Variants in DOCK10 observed in about 807,000 individuals in gnomAD.
The protein encoded by DOCK10 is dedicator of cytokinesis protein 10.
Under a neutral mutation model 280.1 loss-of-function variants are expected in DOCK10, and 145 were observed. The observed-to-expected ratio is 0.52, with a 90% CI of 0.45 to 0.59. The LOEUF (loss-of-function observed/expected upper bound fraction) is 0.59, where lower values mean the gene tolerates loss of function less well. Ranked by LOEUF, DOCK10 falls within the 20% of genes least tolerant of loss-of-function variation. The pLI, the probability that DOCK10 is intolerant of heterozygous loss-of-function variation, is 0.00. For missense variants in DOCK10, 2,368 were observed against 2,651.7 expected, an observed-to-expected ratio of 0.89 and a Z score of 2.35; for synonymous variants, 915 against 942.2, an observed-to-expected ratio of 0.97 and a Z score of 0.53.
chr2:224,814,332 A>G lies in DOCK10; in HGVS notation c.3397T>C (p.Leu1133=). The G allele has an allele frequency of 6.5e-7, 1 of 1,534,070 alleles. No individual in the cohort carries two copies. The highest frequency in any genetic ancestry group is 8.8e-7 in the Non-Finnish European group (1 of 1,139,946). The change falls in exon 31 of 56, where the codon TTA becomes CTA. Residue 1133 remains leucine, a synonymous_variant. Coordinates refer to ENST00000258390, the MANE Select transcript of DOCK10 (RefSeq NM_014689.3). ...TAATATCACTTACCTGATGCATGTA[A>G]CTCTTGAGTCGATTCTGAAGGTGTC... ...PLTPSESTQE[L]HASDMPEYSV...
chr2:224,886,893 C>CCCCT (rs550630549), intron 4 of DOCK10, among the ~76,000 whole-genome samples: 1 of 149,400 alleles, frequency 6.7e-6, no homozygotes, highest in African/African-American at 2.5e-5. Flanking sequence ...CCAACACCCC[C>CCCCT]CCAAGTAGTA....
chr2:224,961,513 C>CCTT (rs1559874498), intron 1 of DOCK10, among the ~76,000 whole-genome samples: 9 of 94,022 alleles, frequency 9.6e-5, no homozygotes, highest in Non-Finnish European at 1.6e-4. Flanking sequence ...CTTCTTTCTT[C>CCTT]ATTTTTTTTT....
At position 224,844,662 on chromosome 2, in the gene DOCK10, GAA is replaced by G. The variant is rs1379775325; in HGVS notation, c.2568+89_2568+90del. 2.6e-4 allele frequency: 216 copies of G among 843,498 alleles called. 3 individuals carry two copies. In the South Asian group the frequency reaches 2.9e-3, roughly 11 times the overall value. 52.3% of individuals were successfully genotyped at this position (843,498 alleles called of 1,614,324 possible). A position where few individuals can be genotyped will look rare whatever the true frequency, so the allele number is the denominator to read the frequency against. ...AACACCTGCCTTTCTGACACTTCATGAAATGATTAGTCTCATCCTGTAAATAG... is the reference window on the plus strand; with the variant it reads ...AACACCTGCCTTTCTGACACTTCATGATGATTAGTCTCATCCTGTAAATAG... On this transcript the variant is annotated intron_variant, in intron 22 of 55. Coordinates refer to ENST00000258390, the MANE Select transcript of DOCK10 (RefSeq NM_014689.3).
intron 31 of DOCK10, among the ~76,000 whole-genome samples, chr2:224,813,819 T>C (rs533665980): frequency 1.3e-5 from 2 of 152,324 alleles, no homozygotes; most frequent in African/African-American, 4.8e-5. Flanking sequence ...CATAGTAATA[T>C]TGAGGATCCA....
intron 27 of DOCK10, among the ~76,000 whole-genome samples, chr2:224,827,493 G>A (rs1457870036): frequency 6.6e-5 from 10 of 152,078 alleles, no homozygotes; most frequent in Non-Finnish European, 1.3e-4. Context: ...TCACAGGTGT[G>A]TTTTGTGACC....
At chr2:224,909,706 T>C (rs548870969) in intron 3 of DOCK10, among the ~76,000 whole-genome samples, 1 of 152,208 alleles carries the variant, frequency 6.6e-6, no homozygotes, top group Non-Finnish European at 1.5e-5. Flanking sequence ...CAAAATGAGG[T>C]AGTAATACCT....
At chr2:224,939,014 G>A (rs746603969) in intron 1 of DOCK10, among the ~76,000 whole-genome samples, 12 of 152,172 alleles carry the variant, frequency 7.9e-5, no homozygotes, top group Non-Finnish European at 1.8e-4. Flanking sequence ...CCAAATCAAA[G>A]TTAACAACTG....
At chr2:224,799,031 T>C (rs1692791876) in intron 41 of DOCK10, among the ~76,000 whole-genome samples, 1 of 152,244 alleles carries the variant, frequency 6.6e-6, no homozygotes, top group Admixed American at 6.5e-5. Flanking sequence ...TGACATACAA[T>C]AAATTGAACT....
rs35401247 is a variant in DOCK10 at position 224,873,594 on chromosome 2, C to CAAAAAAAAAAAAAAAAAAAAAAAAA, written c.1257+377_1257+401dup. The stretch of plus-strand genomic sequence containing the variant: ...CCTGGGCAACAGAGCAAGACCATCT[C>CAAAAAAAAAAAAAAAAAAAAAAAAA]AAAAAAAAAAAAAAAAAAAAAAAAA... On this transcript the variant is annotated intron_variant, in intron 11 of 55. Transcript: ENST00000258390. Among the ~76,000 whole-genome samples, 5 of 33,656 alleles carry CAAAAAAAAAAAAAAAAAAAAAAAAA rather than the reference C, an allele frequency of 1.5e-4. 2 individuals are homozygous for CAAAAAAAAAAAAAAAAAAAAAAAAA. The highest frequency in any genetic ancestry group is 2.2e-4 in the Non-Finnish European group (4 of 17,916). 22.1% of individuals were successfully genotyped at this position (33,656 alleles called of 152,430 possible).
chr2:225,041,585 G>A (rs781007403), intron 1 of DOCK10, among the ~76,000 whole-genome samples: 5 of 152,156 alleles, frequency 3.3e-5, no homozygotes, highest in Admixed American at 1.3e-4. Flanking sequence ...AGAACCCCGC[G>A]AAACATCTTA....
chr2:224,792,268 T>C (rs1692249154), intron 47 of DOCK10, among the ~76,000 whole-genome samples: 2 of 152,108 alleles, frequency 1.3e-5, no homozygotes, highest in Admixed American at 6.5e-5. Context: ...AATATATATA[T>C]GTATATATCT....
At chr2:224,971,198 G>C (rs546369384) in intron 1 of DOCK10, among the ~76,000 whole-genome samples, 1 of 152,222 alleles carries the variant, frequency 6.6e-6, no homozygotes, top group Non-Finnish European at 1.5e-5. Context: ...GCAGAATAAT[G>C]CCACTGTATT....
intron 7 of DOCK10, among the ~76,000 whole-genome samples, chr2:224,884,308 C>A (rs1699149739): frequency 6.6e-6 from 1 of 152,154 alleles, no homozygotes; most frequent in Admixed American, 6.5e-5. Flanking sequence ...ATCCAAGGGC[C>A]TCCAGGAGTG....
chr2:224,815,025 T>C (rs1317558805), intron 30 of DOCK10, among the ~76,000 whole-genome samples: 2 of 152,224 alleles, frequency 1.3e-5, no homozygotes, highest in Non-Finnish European at 2.9e-5. Flanking sequence ...TTTGACTCTG[T>C]GTCCCCACCC....
chr2:224,794,749 A>G, intron 45 of DOCK10, 130 bp downstream of exon 45: 3 of 810,852 alleles, frequency 3.7e-6, no homozygotes, highest in Non-Finnish European at 6.0e-6. Flanking sequence ...TATATGATAT[A>G]TAACTGAGTC....
intron 1 of DOCK10, among the ~76,000 whole-genome samples, chr2:224,977,058 A>G (rs1229794185): frequency 6.6e-6 from 1 of 152,204 alleles, no homozygotes; most frequent in Non-Finnish European, 1.5e-5. Flanking sequence ...ATATAAGTGC[A>G]CACATCCTTG....
At chr2:224,799,401 A>G (rs916917298) in intron 41 of DOCK10, among the ~76,000 whole-genome samples, 2 of 152,224 alleles carry the variant, frequency 1.3e-5, no homozygotes, top group African/African-American at 4.8e-5. Flanking sequence ...TTTTAAATCT[A>G]TTCACCTGTT....
intron 18 of DOCK10, among the ~76,000 whole-genome samples, chr2:224,851,431 A>G (rs1478898761): frequency 6.7e-6 from 1 of 148,584 alleles, no homozygotes; most frequent in Non-Finnish European, 1.5e-5. Flanking sequence ...GGATGCTGAC[A>G]GTGGCTCAAG....
chr2:224,795,126 T>C, intron 44 of DOCK10, 32 bp from the exon 45 acceptor site: 1 of 1,594,428 alleles, frequency 6.3e-7, no homozygotes, highest in South Asian at 1.1e-5. Context: ...GGTCATTATC[T>C]GTTTAGAATC....
Sources: allele counts gnomAD v4.1 joint callset (sites outside exome capture counted in the v4.1 genomes callset), GRCh38; gene constraint gnomAD v4.1.1; transcripts MANE v1.5; gene names NCBI Gene and HGNC (gene_info 2026-07-23, HGNC 2026-07-21).